The following PLBD2 variants were observed in gnomAD, a reference collection of about 807,000 sequenced individuals.
PLBD2 encodes the protein putative aminopeptidase PLBD2.
A neutral mutation model predicts 68.3 loss-of-function variants in PLBD2; 51 were observed. The ratio of observed to expected loss-of-function variants is 0.75; its 90% confidence interval spans 0.60 to 0.94. PLBD2 has a LOEUF of 0.94. PLBD2 is among the 40% of genes least tolerant of loss of function. PLBD2 has a pLI of 0.00. For synonymous variants in PLBD2, 314 were observed against 339.3 expected, an observed-to-expected ratio of 0.93 and a Z score of 0.82; for missense variants, 729 against 792.2, an observed-to-expected ratio of 0.92 and a Z score of 0.96.
chr12:113,382,838 TGTGTG>T (rs1565863967), intron 6 of PLBD2, among the ~76,000 whole-genome samples: 37 of 98,228 alleles, frequency 3.8e-4, no homozygotes, highest in African/African-American at 1.3e-3. Context: ...TGGTTTTTTG[TGTGTG>T]TGTGTGTGTG....
At chr12:113,377,090 C>T (rs1231648872) in intron 5 of PLBD2, 2 of 152,160 alleles carry the variant, frequency 1.3e-5, no homozygotes, top group South Asian at 2.1e-4. Flanking sequence ...ATCTGTCACT[C>T]CAGTGATCCA....
Position 113,384,005 on chromosome 12 carries a change from A to G in PLBD2, c.958-100A>G. The G allele has an allele frequency of 9.0e-7, 1 of 1,108,082 alleles. No homozygotes were observed. Among genetic ancestry groups the G allele is most frequent in the Non-Finnish European group, 1.2e-6 (1 of 829,180 alleles). 68.6% of individuals were successfully genotyped at this position (1,108,082 alleles called of 1,614,324 possible). A position where few individuals can be genotyped will look rare whatever the true frequency, so the allele number is the denominator to read the frequency against. On this transcript the variant is annotated intron_variant, in intron 6 of 11. Transcript: ENST00000280800. This position sits in a 1 kb window ranked among gnomAD's most constrained non-coding sequence, Gnocchi z 4.2. ...GAGTGAGACTCTATCTCAAAAAAAA[A>G]AAAAAAAAAAAAAAATTTTTGGAGC...
At chr12:113,388,309 T>G (rs1282974529) in intron 11 of PLBD2, 150 bp from the exon 12 acceptor site, 3 of 774,376 alleles carry the variant, frequency 3.9e-6, no homozygotes, top group Non-Finnish European at 5.9e-6. Flanking sequence ...GTCACTGCAC[T>G]CCAACCTGGG....
intron 11 of PLBD2, 42 bp downstream of exon 11, chr12:113,387,948 G>C: frequency 6.2e-7 from 1 of 1,602,950 alleles, no homozygotes; most frequent in Non-Finnish European, 8.5e-7. Flanking sequence ...GGTGGGGGAA[G>C]TCACCATCAC....
intron 6 of PLBD2, among the ~76,000 whole-genome samples, chr12:113,382,396 T>A (rs903325727): frequency 6.6e-6 from 1 of 152,194 alleles, no homozygotes; most frequent in African/African-American, 2.4e-5. Context: ...TGACTACTAA[T>A]ACCACTGTGG....
intron 9 of PLBD2, 102 bp downstream of exon 9, chr12:113,385,385 G>T: frequency 8.8e-7 from 1 of 1,139,856 alleles, no homozygotes; most frequent in South Asian, 1.4e-5. Context: ...ACAGAACAAA[G>T]AATCCCAGCC....
intron 6 of PLBD2, among the ~76,000 whole-genome samples, chr12:113,381,581 G>A (rs529243069): frequency 7.2e-5 from 11 of 151,858 alleles, no homozygotes; most frequent in African/African-American, 1.2e-4. Flanking sequence ...AGTGTGGAAC[G>A]AGGCAAGAGA....
At chr12:113,359,561 A>G (rs1282817680) in intron 1 of PLBD2, 1 of 152,102 alleles carries the variant, frequency 6.6e-6, no homozygotes, top group Admixed American at 6.5e-5. Flanking sequence ...CACCATCTTT[A>G]TTGCTGGAAC....
intron 1 of PLBD2, among the ~76,000 whole-genome samples, chr12:113,368,901 G>T (rs1212807991): frequency 1.3e-5 from 2 of 152,168 alleles, no homozygotes; most frequent in African/African-American, 2.4e-5. Flanking sequence ...GAGGCTGTTT[G>T]TCAATATCTA....
chr12:113,387,506 A>G lies in PLBD2; in HGVS notation c.1440-238A>G, dbSNP rs144192857. 1.1e-4 allele frequency among the ~76,000 whole-genome samples: 16 copies of G among 152,276 alleles called. No homozygotes were observed. In the East Asian group the frequency reaches 3.1e-3, roughly 29 times the overall value. On this transcript the variant is annotated intron_variant, in intron 10 of 11. Coordinates refer to ENST00000280800, the MANE Select transcript of PLBD2 (RefSeq NM_173542.4). ...TGCCTCACCTGGCTGGGGTGGTGGC[A>G]TGGAGGCCTTCCCTGAGGATGAGTG...
intron 2 of PLBD2, among the ~76,000 whole-genome samples, chr12:113,370,286 G>T (rs1490530274): frequency 6.6e-6 from 1 of 151,990 alleles, no homozygotes; most frequent in African/African-American, 2.4e-5. Context: ...GATAGCTACC[G>T]CATTTAGGGT....
At chr12:113,369,071 T>TG in intron 1 of PLBD2, 45 bp from the exon 2 acceptor site, 1 of 1,381,562 alleles carries the variant, frequency 7.2e-7, no homozygotes. Flanking sequence ...TGTGTCTAGC[T>TG]GGGGGCCTCT....
chr12:113,358,925 G>T (rs373977654), intron 1 of PLBD2, 35 bp downstream of exon 1: 1,134 of 1,482,952 alleles, frequency 7.6e-4, no homozygotes, highest in Non-Finnish European at 9.2e-4. Context: ...GGGGCCATCG[G>T]GGGAGGGGGA....
Position 113,358,771 on chromosome 12 carries a change from A to G in PLBD2, c.171A>G (p.Pro57=). 1 of 1,441,722 alleles carries G rather than the reference A, an allele frequency of 6.9e-7. No individual in the cohort carries two copies. The highest frequency in any genetic ancestry group is 9.1e-7 in the Non-Finnish European group (1 of 1,102,776). The allele number at this position is 1,441,722 out of a possible 1,614,324, so 89.3% of individuals were successfully genotyped here. Reference sequence around the variant, plus strand: ...GGGCGCGCGATGGGCAGGTCCCTCCAGCCTCCCGCAGCCGCTCGGTGCTCC... The same window carrying G: ...GGGCGCGCGATGGGCAGGTCCCTCCGGCCTCCCGCAGCCGCTCGGTGCTCC... ...GRWARDGQVP[P]ASRSRSVLLD... is the part of the protein sequence containing the mutation. The change falls in exon 1 of 12, where the codon CCA becomes CCG. Residue 57 remains proline, a synonymous_variant. Transcript: ENST00000280800.
In PLBD2 at chr12:113,389,550, A is replaced by G. The variant is rs1025037670; in HGVS notation, c.*924A>G. 2 of 152,070 alleles carry G rather than the reference A, an allele frequency of 1.3e-5. No homozygotes were observed. Among genetic ancestry groups the G allele is most frequent in the Non-Finnish European group, 2.9e-5 (2 of 68,110 alleles). The allele number at this position is 152,070 out of a possible 1,614,324, so 9.4% of individuals were successfully genotyped here. ...CATTCATCTGCCAACATACTCACCC[A>G]TCATCCATCTGCACAGCCTTCCACC... On this transcript the variant is annotated 3_prime_UTR_variant, in exon 12 of 12. Transcript: ENST00000280800.
chr12:113,372,950 C>A lies in PLBD2; in HGVS notation c.543+143C>A. On this transcript the variant is annotated intron_variant, in intron 3 of 11. Coordinates refer to ENST00000280800, the MANE Select transcript of PLBD2 (RefSeq NM_173542.4). The surrounding 1 kb of genome is among the most constrained non-coding windows in gnomAD (Gnocchi z 4.2). Reference sequence around the variant, plus strand: ...CATCATCTCCATCCCTCCTAGCCGACCTGCCACTCATCCATCTGCCCAGTC... The same window carrying A: ...CATCATCTCCATCCCTCCTAGCCGAACTGCCACTCATCCATCTGCCCAGTC... 1.1e-6 allele frequency: 1 copy of A among 914,610 alleles called. No individual in the cohort carries two copies. Among genetic ancestry groups the A allele is most frequent in the Non-Finnish European group, 1.6e-6 (1 of 619,842 alleles). 56.7% of individuals were successfully genotyped at this position (914,610 alleles called of 1,614,324 possible). A position where few individuals can be genotyped will look rare whatever the true frequency, so the allele number is the denominator to read the frequency against.
chr12:113,379,260 A>AT (rs1217450012), intron 5 of PLBD2, among the ~76,000 whole-genome samples: 3 of 148,314 alleles, frequency 2.0e-5, no homozygotes, highest in African/African-American at 7.5e-5. Context: ...GTGAGCCGAG[A>AT]TCCCCCCACT....
intron 1 of PLBD2, among the ~76,000 whole-genome samples, chr12:113,365,196 A>T (rs1957331635): frequency 6.6e-6 from 1 of 152,186 alleles, no homozygotes. Context: ...TGTTAGTCTC[A>T]GCTCTGCTGC....
chr12:113,384,513 C>A lies in PLBD2; in HGVS notation c.1118+248C>A, dbSNP rs367710557. On this transcript the variant is annotated intron_variant, in intron 7 of 11. Transcript: ENST00000280800. The surrounding 1 kb of genome is among the most constrained non-coding windows in gnomAD (Gnocchi z 4.2). ...AGAGCACTTGGAACCTGAAGACTCT[C>A]AAGGGGACAGTGGGGAGGGCTGTTT... is the stretch of plus-strand genomic sequence containing the variant. Among the ~76,000 whole-genome samples the A allele has an allele frequency of 7.2e-5, 11 of 152,246 alleles. No homozygotes were observed. In the East Asian group the frequency reaches 2.1e-3, roughly 29 times the overall value.
Sources: gnomAD v4.1 joint callset for allele counts (sites outside exome capture counted in the v4.1 genomes callset) on GRCh38, gnomAD v4.1.1 for gene constraint, Gnocchi (gnomAD v3.1) non-coding constraint, MANE v1.5 for transcripts, NCBI Gene and HGNC (gene_info 2026-07-23, HGNC 2026-07-21) for gene names.